Variants in KLHL32 observed in about 807,000 individuals in gnomAD.
KLHL32 encodes the protein kelch like family member 32, also known as kelch-like protein 32.
KLHL32 carries 35 observed loss-of-function variants against 64.8 expected under a neutral mutation model. The observed-to-expected ratio is 0.54, with a 90% CI of 0.41 to 0.72. The LOEUF (loss-of-function observed/expected upper bound fraction) is 0.72, where lower values mean the gene tolerates loss of function less well. Ranked by LOEUF, KLHL32 falls within the 30% of genes least tolerant of loss-of-function variation. The probability of loss-of-function intolerance (pLI) is 0.00; values close to 1 mark genes in which losing one functional copy is unlikely to be tolerated. For synonymous variants in KLHL32, 259 were observed against 281.0 expected, an observed-to-expected ratio of 0.92 and a Z score of 0.78; for missense variants, 589 against 768.5, an observed-to-expected ratio of 0.77 and a Z score of 2.76.
intron 5 of KLHL32, among the ~76,000 whole-genome samples, 165 bp from the exon 6 acceptor site, chr6:97,084,961 A>G (rs1562319405): frequency 1.3e-5 from 2 of 152,064 alleles, no homozygotes; most frequent in Non-Finnish European, 2.9e-5. Context: ...GCTGTTCTCT[A>G]TGCAGAACTT....
chr6:97,074,037 G>A (rs1333905042), intron 5 of KLHL32, among the ~76,000 whole-genome samples: 4 of 152,182 alleles, frequency 2.6e-5, no homozygotes, highest in East Asian at 1.9e-4. Flanking sequence ...TCAGTATAAC[G>A]TTTGCCTACT....
At chr6:97,070,263 C>T (rs186037002) in intron 5 of KLHL32, among the ~76,000 whole-genome samples, 208 of 152,034 alleles carry the variant, frequency 1.4e-3, no homozygotes, top group African/African-American at 4.6e-3. Flanking sequence ...TTTTAATCAG[C>T]GAAAATGATC....
At chr6:97,087,060 C>G (rs1292422421) in intron 6 of KLHL32, among the ~76,000 whole-genome samples, 1 of 152,104 alleles carries the variant, frequency 6.6e-6, no homozygotes, top group African/African-American at 2.4e-5. Context: ...AATTGCCTCT[C>G]TAAAGGTTAC....
chr6:97,042,126 T>A (rs1394451927), intron 4 of KLHL32, among the ~76,000 whole-genome samples: 1 of 152,226 alleles, frequency 6.6e-6, no homozygotes, highest in Non-Finnish European at 1.5e-5. Flanking sequence ...TCAGAGGATA[T>A]CCATTTACAT....
chr6:96,997,451 T>C (rs565481822), intron 3 of KLHL32, among the ~76,000 whole-genome samples: 1 of 152,238 alleles, frequency 6.6e-6, no homozygotes, highest in South Asian at 2.1e-4. Context: ...AAGTGTCCTA[T>C]AAAGACTTGA....
At chr6:96,926,974 G>A (rs13203153) in intron 1 of KLHL32, among the ~76,000 whole-genome samples, 33,473 of 152,102 alleles carry the variant, frequency 0.22, 3,879 homozygotes, top group Admixed American at 0.27. Flanking sequence ...AAATACTGAT[G>A]TGAAAAAATA....
chr6:96,954,761 T>C (rs6908552), intron 1 of KLHL32, among the ~76,000 whole-genome samples: 3,430 of 152,284 alleles, frequency 0.023, 83 homozygotes, highest in African/African-American at 0.064. Flanking sequence ...ATTCTGTCAC[T>C]GGGATGAGAC....
At chr6:97,036,446 G>T (rs1784303807) in intron 3 of KLHL32, among the ~76,000 whole-genome samples, 1 of 152,144 alleles carries the variant, frequency 6.6e-6, no homozygotes, top group South Asian at 2.1e-4. Context: ...TTGTAGCCTT[G>T]CATTGGTGTC....
rs1178437500 is a variant in KLHL32, at chr6:97,057,412, G to A, written c.313-7216G>A. Among the ~76,000 whole-genome samples, 11 of 90,426 alleles carry A rather than the reference G, an allele frequency of 1.2e-4. 2 individuals are homozygous for A. The highest frequency in any genetic ancestry group is 2.2e-4 in the Non-Finnish European group (11 of 49,396). 59.3% of individuals were successfully genotyped at this position (90,426 alleles called of 152,430 possible). ...TTAGCCAGGATGGTCTCGATCTCCT[G>A]ACCTCGTGATCCGCCCGTCTCGGCC... On this transcript the variant is annotated intron_variant, in intron 4 of 10. Coordinates refer to ENST00000369261, the MANE Select transcript of KLHL32 (RefSeq NM_052904.4).
the KLHL32 span, among the ~76,000 whole-genome samples, chr6:96,907,276 C>A: frequency 1.3e-5 from 2 of 152,190 alleles, no homozygotes; most frequent in Admixed American, 1.3e-4. Flanking sequence ...TATGGCAAAT[C>A]TAATTTCTTC....
At chr6:97,102,910 G>C (rs1040997051) in intron 6 of KLHL32, among the ~76,000 whole-genome samples, 2 of 151,900 alleles carry the variant, frequency 1.3e-5, no homozygotes, top group East Asian at 3.9e-4. Flanking sequence ...TGTCATGGGG[G>C]TTTGTACAGA....
intron 3 of KLHL32, among the ~76,000 whole-genome samples, chr6:96,990,972 A>G (rs1391256850): frequency 1.3e-5 from 2 of 151,722 alleles, no homozygotes; most frequent in Non-Finnish European, 1.5e-5. Context: ...GCTCCACCAC[A>G]GAGAATCACA....
At chr6:97,029,019 CAG>C (rs2128112390) in intron 3 of KLHL32, among the ~76,000 whole-genome samples, 1 of 152,344 alleles carries the variant, frequency 6.6e-6, no homozygotes, top group African/African-American at 2.4e-5. Flanking sequence ...TTCCAGAAGA[CAG>C]AAAGACTGGC....
At chr6:96,904,236 G>A in the KLHL32 span, among the ~76,000 whole-genome samples, 1 of 151,324 alleles carries the variant, frequency 6.6e-6, no homozygotes, top group Non-Finnish European at 1.5e-5. Context: ...CAGCTGCTCA[G>A]GAGGCTGAGG....
At chr6:96,981,921 G>A (rs1776360301) in intron 3 of KLHL32, among the ~76,000 whole-genome samples, 1 of 151,840 alleles carries the variant, frequency 6.6e-6, no homozygotes, top group Admixed American at 6.6e-5. Flanking sequence ...GAGTGTGATC[G>A]GTATAATGTC....
At chr6:97,088,127 T>C (rs1471942305) in intron 6 of KLHL32, among the ~76,000 whole-genome samples, 1 of 152,216 alleles carries the variant, frequency 6.6e-6, no homozygotes, top group African/African-American at 2.4e-5. Context: ...TTTCACTCTA[T>C]ATTTAGAGGT....
At chr6:97,058,514 TATAGAACTCTAATTTGATTTGGGAC>T (rs1788370852) in intron 4 of KLHL32, among the ~76,000 whole-genome samples, 2 of 152,224 alleles carry the variant, frequency 1.3e-5, no homozygotes, top group African/African-American at 4.8e-5. Context: ...TTTTTCTTTA[TATAGAACTCTAATTTGATTTGGGAC>T]TATGGTGCAT....
chr6:96,933,725 C>T (rs1298536382), intron 1 of KLHL32, among the ~76,000 whole-genome samples: 1 of 152,152 alleles, frequency 6.6e-6, no homozygotes, highest in Non-Finnish European at 1.5e-5. Context: ...AGCCACATGT[C>T]CCTCCTTGGC....
At chr6:97,128,724 G>A (rs936391773) in intron 8 of KLHL32, among the ~76,000 whole-genome samples, 1 of 152,230 alleles carries the variant, frequency 6.6e-6, no homozygotes, top group African/African-American at 2.4e-5. Context: ...GTATTCACAT[G>A]CTAGCTTATT....
Sources: gnomAD v4.1 joint callset for allele counts (sites outside exome capture counted in the v4.1 genomes callset) on GRCh38, gnomAD v4.1.1 for gene constraint, MANE v1.5 for transcripts, NCBI Gene and HGNC (gene_info 2026-07-23, HGNC 2026-07-21) for gene names.